Variants in DGKB observed in about 807,000 individuals in gnomAD.
The protein encoded by DGKB is 90 kDa diacylglycerol kinase.
A neutral mutation model predicts 114.3 loss-of-function variants in DGKB; 67 were observed. The ratio of observed to expected loss-of-function variants is 0.59; its 90% confidence interval spans 0.48 to 0.72. DGKB has a LOEUF of 0.72. DGKB is among the 30% of genes least tolerant of loss of function. The pLI is 0.00. For synonymous variants in DGKB, 398 were observed against 323.1 expected, an observed-to-expected ratio of 1.23 and a Z score of -2.49; for missense variants, 907 against 975.2, an observed-to-expected ratio of 0.93 and a Z score of 0.93.
intron 17 of DGKB, among the ~76,000 whole-genome samples, chr7:14,592,455 C>T (rs1379670532): frequency 6.6e-6 from 1 of 151,916 alleles, no homozygotes; most frequent in African/African-American, 2.4e-5. Flanking sequence ...CAGTTACATA[C>T]TATATTATTC....
chr7:14,705,124 AGGAGCTGAT>A (rs1454593042), intron 6 of DGKB, among the ~76,000 whole-genome samples: 2 of 151,648 alleles, frequency 1.3e-5, no homozygotes, highest in African/African-American at 4.8e-5. Flanking sequence ...AAGTGCTTAA[AGGAGCTGAT>A]GGAGCTGAAA....
intron 1 of DGKB, among the ~76,000 whole-genome samples, chr7:14,921,210 G>T (rs1784495564): frequency 6.6e-6 from 1 of 152,124 alleles, no homozygotes; most frequent in Non-Finnish European, 1.5e-5. Flanking sequence ...TTTTTAGGGT[G>T]TCAAAACTAT....
rs1183172410 is a variant in DGKB, at chr7:14,613,337, T to C, written c.1358+3A>G. On this transcript the variant is annotated splice_donor_region_variant and intron_variant, in intron 16 of 25. Coordinates refer to ENST00000402815, the MANE Select transcript of DGKB (RefSeq NM_001350709.2). Reference sequence around the variant, plus strand: ...AGACACTAAAATCAATCAAAAAACATACCGTTCTCCTTGTTTTCCACCACT... The same window carrying C: ...AGACACTAAAATCAATCAAAAAACACACCGTTCTCCTTGTTTTCCACCACT... The C allele has an allele frequency of 6.4e-7, 1 of 1,552,042 alleles. No individual in the cohort carries two copies. The highest frequency in any genetic ancestry group is 8.7e-7 in the Non-Finnish European group (1 of 1,142,876).
At chr7:14,717,358 C>T (rs1828374347) in intron 6 of DGKB, among the ~76,000 whole-genome samples, 1 of 152,060 alleles carries the variant, frequency 6.6e-6, no homozygotes, top group African/African-American at 2.4e-5. Context: ...CCTGAGCAAA[C>T]TTTCTCTCTG....
intron 1 of DGKB, among the ~76,000 whole-genome samples, chr7:14,867,868 A>G (rs1195468511): frequency 6.6e-6 from 1 of 152,152 alleles, no homozygotes; most frequent in Non-Finnish European, 1.5e-5. Context: ...TGCCAAAACA[A>G]TCAAATCAGC....
intron 1 of DGKB, among the ~76,000 whole-genome samples, chr7:14,934,578 C>T (rs932188719): frequency 6.6e-6 from 1 of 152,116 alleles, no homozygotes; most frequent in Admixed American, 6.6e-5. Context: ...AAGAAATCAT[C>T]AGATACTAAT....
At chr7:14,398,820 G>T (rs1366439975) in intron 21 of DGKB, among the ~76,000 whole-genome samples, 1 of 151,560 alleles carries the variant, frequency 6.6e-6, no homozygotes, top group Non-Finnish European at 1.5e-5. Flanking sequence ...AGAAACAAGA[G>T]GGAGGCAAGA....
At position 14,326,819 on chromosome 7, in the gene DGKB, G is replaced by T. The variant is rs567363744; in HGVS notation, c.2122+11696C>A. ...GGCTTTCAAAATAATTTGTGTTCAA[G>T]TATGTTTTTATTCCAGGCTTCATTT... On this transcript the variant is annotated intron_variant, in intron 23 of 25. Transcript: ENST00000402815. Among the ~76,000 whole-genome samples, 3 of 152,154 alleles carry T rather than the reference G, an allele frequency of 2.0e-5. No individual in the cohort carries two copies. In the South Asian group the frequency reaches 6.2e-4, roughly 32 times the overall value.
chr7:14,704,193 T>C lies in DGKB; in HGVS notation c.467-2463A>G, dbSNP rs146059869. Among the ~76,000 whole-genome samples the C allele has an allele frequency of 9.2e-3, 1,374 of 150,040 alleles. 13 individuals are homozygous for C. The highest frequency in any genetic ancestry group is 0.032 in the African/African-American group (1,311 of 40,714). Reference sequence around the variant, plus strand: ...GCTTATGCCTGTAATCCCACCACTTTGGGAAGCCGAGGCAGGTGGATCACG... The same window carrying C: ...GCTTATGCCTGTAATCCCACCACTTCGGGAAGCCGAGGCAGGTGGATCACG... On this transcript the variant is annotated intron_variant, in intron 6 of 25. Transcript: ENST00000402815.
At chr7:14,535,878 C>T (rs966341547) in intron 20 of DGKB, among the ~76,000 whole-genome samples, 3 of 152,222 alleles carry the variant, frequency 2.0e-5, no homozygotes, top group Non-Finnish European at 2.9e-5. Flanking sequence ...AGCCACTGCA[C>T]CTGGCCTGTT....
chr7:14,309,002 GC>G (rs1425603233), intron 23 of DGKB, among the ~76,000 whole-genome samples: 1 of 152,126 alleles, frequency 6.6e-6, no homozygotes, highest in Non-Finnish European at 1.5e-5. Context: ...GATCGCTTGA[GC>G]CCAGGAGTTC....
At chr7:14,765,557 A>G (rs1836325873) in intron 2 of DGKB, among the ~76,000 whole-genome samples, 1 of 151,882 alleles carries the variant, frequency 6.6e-6, no homozygotes, top group Admixed American at 6.6e-5. Context: ...ATCTACATCT[A>G]ATGTTTTGAT....
chr7:14,710,406 T>C (rs1374392047), intron 6 of DGKB, among the ~76,000 whole-genome samples: 1 of 152,140 alleles, frequency 6.6e-6, no homozygotes, highest in Admixed American at 6.6e-5. Flanking sequence ...AAGTACTTGA[T>C]CTATCTATAG....
intron 1 of DGKB, among the ~76,000 whole-genome samples, chr7:14,886,592 T>A (rs895565534): frequency 6.6e-6 from 1 of 151,884 alleles, no homozygotes; most frequent in Non-Finnish European, 1.5e-5. Context: ...ATCACAAGTC[T>A]TGTCAATTTC....
chr7:14,477,291 T>A (rs961896478), intron 21 of DGKB, among the ~76,000 whole-genome samples: 2 of 152,230 alleles, frequency 1.3e-5, no homozygotes, highest in Non-Finnish European at 2.9e-5. Context: ...TGCAGGTATC[T>A]AATAAATGGT....
intron 23 of DGKB, among the ~76,000 whole-genome samples, chr7:14,229,891 A>G (rs1028151489): frequency 2.0e-5 from 3 of 152,012 alleles, no homozygotes; most frequent in Admixed American, 2.0e-4. Context: ...GACAAATTTT[A>G]TATGTATTAA....
At chr7:14,466,624 A>G (rs1780506292) in intron 21 of DGKB, among the ~76,000 whole-genome samples, 2 of 145,426 alleles carry the variant, frequency 1.4e-5, no homozygotes, top group African/African-American at 5.2e-5. Flanking sequence ...CATTCAATAA[A>G]TCTTTGTTGA....
chr7:14,784,682 G>A (rs534758630), intron 2 of DGKB, among the ~76,000 whole-genome samples: 2 of 152,210 alleles, frequency 1.3e-5, no homozygotes, highest in African/African-American at 2.4e-5. Flanking sequence ...CAGTTTATAT[G>A]CTATTTTTGA....
At chr7:14,738,968 C>T (rs542637707) in intron 4 of DGKB, among the ~76,000 whole-genome samples, 1 of 152,292 alleles carries the variant, frequency 6.6e-6, no homozygotes, top group East Asian at 1.9e-4. Flanking sequence ...AATACTTCCA[C>T]TCACCACCTA....
Sources: allele counts gnomAD v4.1 joint callset (sites outside exome capture counted in the v4.1 genomes callset), GRCh38; gene constraint gnomAD v4.1.1; transcripts MANE v1.5; gene names NCBI Gene and HGNC (gene_info 2026-07-23, HGNC 2026-07-21).